Variants in SLCO1B1 observed in about 807,000 individuals in gnomAD.
SLCO1B1 encodes OATP-2.
SLCO1B1 carries 81 observed loss-of-function variants against 70.1 expected under a neutral mutation model. That is an observed-to-expected ratio of 1.16 (90% confidence interval 0.97 to 1.39). The LOEUF is 1.39. Ranked by LOEUF, SLCO1B1 falls within the 40% of genes most tolerant of loss-of-function variation. The probability of loss-of-function intolerance (pLI) is 0.00; values close to 1 mark genes in which losing one functional copy is unlikely to be tolerated. For synonymous variants in SLCO1B1, 283 were observed against 271.5 expected, an observed-to-expected ratio of 1.04 and a Z score of -0.42; for missense variants, 895 against 799.6, an observed-to-expected ratio of 1.12 and a Z score of -1.44.
intron 2 of SLCO1B1, among the ~76,000 whole-genome samples, chr12:21,163,065 A>C (rs1940641688): frequency 6.6e-6 from 1 of 152,184 alleles, no homozygotes; most frequent in African/African-American, 2.4e-5. Context: ...GAAGAATGGC[A>C]ACAATATACA....
Position 21,178,654 on chromosome 12 carries a change from C to A in SLCO1B1, c.560C>A (p.Pro187His). The A allele has an allele frequency of 1.2e-6, 2 of 1,606,542 alleles. No homozygotes were observed. The highest frequency in any genetic ancestry group is 1.7e-6 in the Non-Finnish European group (2 of 1,173,246). Reference sequence around the variant, plus strand: ...ATGCTTCGTGGAATAGGGGAGACTCCCATAGTACCATTGGGGCTTTCTTAC... The same window carrying A: ...ATGCTTCGTGGAATAGGGGAGACTCACATAGTACCATTGGGGCTTTCTTAC... ...GNMLRGIGETPIVPLGLSYID... is the reference protein window; with the variant it reads ...GNMLRGIGETHIVPLGLSYID... Residue 187 changes from proline (P) to histidine (H), a missense_variant, in exon 6 of 15, where the codon CCC becomes CAC. Coordinates refer to ENST00000256958, the MANE Select transcript of SLCO1B1 (RefSeq NM_006446.5).
At chr12:21,188,553 G>A (rs1836343980) in intron 7 of SLCO1B1, among the ~76,000 whole-genome samples, 1 of 152,136 alleles carries the variant, frequency 6.6e-6, no homozygotes, top group South Asian at 2.1e-4. Flanking sequence ...AATCCCCAAT[G>A]ACGGAGGTGG....
chr12:21,134,008 T>C (rs1213577047), intron 1 of SLCO1B1, among the ~76,000 whole-genome samples: 1 of 152,220 alleles, frequency 6.6e-6, no homozygotes. Flanking sequence ...ATACATCCCA[T>C]CAATACCTAA....
chr12:21,200,726 G>A, intron 9 of SLCO1B1, 54 bp downstream of exon 9: 1 of 1,429,578 alleles, frequency 7.0e-7, no homozygotes, highest in Non-Finnish European at 9.7e-7. Flanking sequence ...ACTAAATACT[G>A]TATTCCAAGT....
At chr12:21,185,748 G>A (rs2121120427) in intron 7 of SLCO1B1, among the ~76,000 whole-genome samples, 1 of 152,000 alleles carries the variant, frequency 6.6e-6, no homozygotes, top group African/African-American at 2.4e-5. Flanking sequence ...ATGAAATTGT[G>A]ATGCAAAATG....
chr12:21,214,859 G>A (rs532940847), intron 11 of SLCO1B1, among the ~76,000 whole-genome samples: 2,460 of 151,124 alleles, frequency 0.016, 69 homozygotes, highest in African/African-American at 0.057. Flanking sequence ...TCTTTGACTG[G>A]GAAAGGGAAC....
intron 1 of SLCO1B1, among the ~76,000 whole-genome samples, chr12:21,131,661 T>C (rs1376463638): frequency 6.7e-6 from 1 of 150,096 alleles, no homozygotes; most frequent in Non-Finnish European, 1.5e-5. Flanking sequence ...AGGGTGGGAG[T>C]AGAGGGAAGA....
chr12:21,173,343 A>T (rs1037822088), intron 3 of SLCO1B1, among the ~76,000 whole-genome samples: 1 of 152,050 alleles, frequency 6.6e-6, no homozygotes, highest in Admixed American at 6.5e-5. Flanking sequence ...TTTCCCTATT[A>T]GTAATTTTTT....
intron 14 of SLCO1B1, among the ~76,000 whole-genome samples, chr12:21,233,552 CAAAAAAAAAACAAACAAACAAA>C (rs1941564101): frequency 1.9e-5 from 2 of 104,890 alleles, no homozygotes; most frequent in African/African-American, 7.6e-5. Flanking sequence ...ACTGAGACCT[CAAAAAAAAAACAAACAAACAAA>C]AAAAAAAAAA....
At chr12:21,208,675 G>C (rs184364292) in intron 11 of SLCO1B1, among the ~76,000 whole-genome samples, 104 of 152,126 alleles carry the variant, frequency 6.8e-4, no homozygotes, top group Non-Finnish European at 1.2e-3. Flanking sequence ...CATGCCGGTT[G>C]TTTGATAAGA....
chr12:21,224,922 A>G lies in SLCO1B1; in HGVS notation c.1865+83A>G. On this transcript the variant is annotated intron_variant, in intron 14 of 14. Coordinates refer to ENST00000256958, the MANE Select transcript of SLCO1B1 (RefSeq NM_006446.5). The stretch of plus-strand genomic sequence containing the variant: ...AATATCATTTTCATTATATAATAAT[A>G]TTAATAATGATAGCCACCATTTAAT... The G allele has an allele frequency of 2.8e-6, 2 of 703,360 alleles. 1 individual carries two copies. The highest frequency in any genetic ancestry group is 4.8e-6 in the Non-Finnish European group (2 of 418,962). The allele number at this position is 703,360 out of a possible 1,614,324, so 43.6% of individuals were successfully genotyped here.
chr12:21,172,624 C>T (rs1374913341), intron 2 of SLCO1B1, 26 bp from the exon 3 acceptor site: 5 of 1,612,748 alleles, frequency 3.1e-6, no homozygotes, highest in Non-Finnish European at 4.2e-6. Flanking sequence ...TAACCATTTT[C>T]CCCCTTTCCT....
At position 21,176,766 on chromosome 12, in the gene SLCO1B1, G is replaced by A. The variant is rs1940825516; in HGVS notation, c.360-10G>A. 20 of 1,519,494 alleles carry A rather than the reference G, an allele frequency of 1.3e-5. No individual in the cohort carries two copies. Among genetic ancestry groups the A allele is most frequent in the Non-Finnish European group, 1.7e-5 (19 of 1,096,166 alleles). The allele number at this position is 1,519,494 out of a possible 1,614,324, so 94.1% of individuals were successfully genotyped here. ...TAAGCAAAATGTTTAATTCAGTGAT[G>A]TTCTTACAGTTACAGGTATTCTAAA... On this transcript the variant is annotated splice_polypyrimidine_tract_variant and intron_variant, in intron 4 of 14. Coordinates refer to ENST00000256958, the MANE Select transcript of SLCO1B1 (RefSeq NM_006446.5).
intron 11 of SLCO1B1, among the ~76,000 whole-genome samples, chr12:21,206,738 G>A (rs1220785087): frequency 1.3e-5 from 2 of 151,840 alleles, no homozygotes; most frequent in African/African-American, 2.4e-5. Flanking sequence ...CTGTCACTGG[G>A]AATGGGTTAT....
chr12:21,155,284 T>G (rs1179142410), intron 2 of SLCO1B1, among the ~76,000 whole-genome samples: 2 of 152,144 alleles, frequency 1.3e-5, no homozygotes, highest in South Asian at 4.1e-4. Context: ...ATGTTTTAAA[T>G]GAAATAACCA....
At chr12:21,172,075 T>C (rs1940761292) in intron 2 of SLCO1B1, among the ~76,000 whole-genome samples, 1 of 152,228 alleles carries the variant, frequency 6.6e-6, no homozygotes, top group Non-Finnish European at 1.5e-5. Context: ...GAAATTTGTT[T>C]ATGGATATAA....
chr12:21,226,767 C>T (rs1170120794), intron 14 of SLCO1B1, among the ~76,000 whole-genome samples: 1 of 66,712 alleles, frequency 1.5e-5, no homozygotes, highest in East Asian at 6.3e-4. Context: ...AACAAAGTTA[C>T]ACACTAATAC....
chr12:21,199,485 AT>A (rs1941131440), intron 8 of SLCO1B1, among the ~76,000 whole-genome samples: 1 of 152,124 alleles, frequency 6.6e-6, no homozygotes, highest in Non-Finnish European at 1.5e-5. Context: ...ACACAATATT[AT>A]CCCCTGGCTG....
chr12:21,163,814 C>T (rs947143132), intron 2 of SLCO1B1, among the ~76,000 whole-genome samples: 3 of 152,058 alleles, frequency 2.0e-5, no homozygotes, highest in Admixed American at 2.0e-4. Context: ...TAGGATTTGA[C>T]ATGCGCATTT....
Sources: gnomAD v4.1 joint callset for allele counts (sites outside exome capture counted in the v4.1 genomes callset) on GRCh38, gnomAD v4.1.1 for gene constraint, MANE v1.5 for transcripts, NCBI Gene and HGNC (gene_info 2026-07-23, HGNC 2026-07-21) for gene names.